CHST9: variants seen among roughly 807,000 people sequenced by gnomAD.
CHST9 encodes the protein carbohydrate sulfotransferase 9, also known as GalNAc-4-sulfotransferase 2.
Under a neutral mutation model 44.4 loss-of-function variants are expected in CHST9, and 41 were observed. That is an observed-to-expected ratio of 0.92 (90% CI 0.72 to 1.20). CHST9 has a LOEUF of 1.20. CHST9 is among the 50% of genes most tolerant of loss of function. The pLI is 0.00. For synonymous variants in CHST9, 171 were observed against 178.4 expected, an observed-to-expected ratio of 0.96 and a Z score of 0.33; for missense variants, 504 against 516.5, an observed-to-expected ratio of 0.98 and a Z score of 0.23.
chr18:27,181,175 C>T (rs2058908704), intron 1 of CHST9, among the ~76,000 whole-genome samples: 1 of 152,168 alleles, frequency 6.6e-6, no homozygotes, highest in Non-Finnish European at 1.5e-5. Context: ...TAACCTTCCA[C>T]ACAGAGGTTT....
intron 4 of CHST9, among the ~76,000 whole-genome samples, chr18:26,949,752 C>G (rs900986301): frequency 1.3e-5 from 2 of 152,162 alleles, no homozygotes; most frequent in African/African-American, 4.8e-5. Context: ...AGTTAAGGAT[C>G]TGTGGATGGG....
At chr18:27,019,524 A>G (rs1286266810) in intron 4 of CHST9, among the ~76,000 whole-genome samples, 2 of 152,032 alleles carry the variant, frequency 1.3e-5, no homozygotes, top group African/African-American at 4.8e-5. Context: ...GTTCCTGTAA[A>G]TGGAGGCCTA....
intron 4 of CHST9, among the ~76,000 whole-genome samples, chr18:27,022,679 C>T (rs947206072): frequency 6.6e-6 from 1 of 152,156 alleles, no homozygotes; most frequent in South Asian, 2.1e-4. Context: ...GCTGCCCTTC[C>T]CTTTCTCTAC....
At chr18:27,016,238 C>A (rs1429143115) in intron 4 of CHST9, among the ~76,000 whole-genome samples, 1 of 152,210 alleles carries the variant, frequency 6.6e-6, no homozygotes, top group Non-Finnish European at 1.5e-5. Flanking sequence ...TGCTATCACC[C>A]CTGAGCATAA....
At chr18:27,017,486 A>T (rs887086902) in intron 4 of CHST9, among the ~76,000 whole-genome samples, 3 of 152,240 alleles carry the variant, frequency 2.0e-5, no homozygotes, top group African/African-American at 2.4e-5. Flanking sequence ...GGCATGTGAA[A>T]GGGGCCTTTA....
chr18:27,095,045 T>C (rs2058104158), intron 2 of CHST9, among the ~76,000 whole-genome samples: 4 of 152,160 alleles, frequency 2.6e-5, no homozygotes, highest in Admixed American at 2.6e-4. Context: ...AAATATTCTT[T>C]TGGGGAAGAT....
chr18:27,157,599 C>A (rs2143915551), intron 1 of CHST9, among the ~76,000 whole-genome samples: 1 of 152,186 alleles, frequency 6.6e-6, no homozygotes, highest in East Asian at 1.9e-4. Flanking sequence ...GCAAAAATAT[C>A]TACTGACAAG....
chr18:27,063,911 T>A (rs1474481089), intron 2 of CHST9, among the ~76,000 whole-genome samples: 2 of 152,082 alleles, frequency 1.3e-5, no homozygotes, highest in African/African-American at 4.8e-5. Context: ...GGGCTGTAAA[T>A]TTTGTAGTAT....
At chr18:27,121,663 G>A (rs571305509) in intron 2 of CHST9, among the ~76,000 whole-genome samples, 1 of 152,248 alleles carries the variant, frequency 6.6e-6, no homozygotes, top group East Asian at 1.9e-4. Flanking sequence ...GATGTCAAAC[G>A]CAGGAATCTG....
At chr18:26,940,090 C>A (rs185790079) in intron 5 of CHST9, among the ~76,000 whole-genome samples, 138 of 152,260 alleles carry the variant, frequency 9.1e-4, no homozygotes, top group Admixed American at 2.0e-3. Flanking sequence ...ACAGCCTGAC[C>A]TCTCTCAATA....
At chr18:27,070,715 G>T (rs2057830198) in intron 2 of CHST9, among the ~76,000 whole-genome samples, 1 of 152,086 alleles carries the variant, frequency 6.6e-6, no homozygotes, top group Admixed American at 6.5e-5. Flanking sequence ...TATAGAACTT[G>T]CCATTTCCCA....
intron 1 of CHST9, among the ~76,000 whole-genome samples, chr18:27,176,478 A>T (rs2058869237): frequency 6.6e-6 from 1 of 152,000 alleles, no homozygotes. Flanking sequence ...GAATTGAAGG[A>T]GAAGTAATGT....
At chr18:27,001,656 T>C (rs757816910) in intron 4 of CHST9, among the ~76,000 whole-genome samples, 4 of 149,390 alleles carry the variant, frequency 2.7e-5, no homozygotes, top group Non-Finnish European at 5.9e-5. Context: ...CTGATTCTGT[T>C]TGCTGGGCAC....
At chr18:26,952,418 C>T (rs570742303) in intron 4 of CHST9, 3 of 432,506 alleles carry the variant, frequency 6.9e-6, no homozygotes, top group Admixed American at 2.7e-5. Flanking sequence ...ACTGCCTTTG[C>T]ACCATAGTTT....
In CHST9 at chr18:26,982,695, A is replaced by G. The variant is rs1471262810; in HGVS notation, c.203-38329T>C. Reference sequence around the variant, plus strand: ...TTCTTCAACATCTCATGCAACAGGTATCTCTGTGTTCCTAACCTCCTTGAA... The same window carrying G: ...TTCTTCAACATCTCATGCAACAGGTGTCTCTGTGTTCCTAACCTCCTTGAA... On this transcript the variant is annotated intron_variant, in intron 4 of 5. Coordinates refer to ENST00000618847, the MANE Select transcript of CHST9 (RefSeq NM_031422.6). 2.0e-5 allele frequency among the ~76,000 whole-genome samples: 3 copies of G among 152,138 alleles called. No individual in the cohort carries two copies. The East Asian group carries it at 5.8e-4, about 29-fold the overall frequency.
intron 5 of CHST9, among the ~76,000 whole-genome samples, chr18:26,943,080 C>T (rs2056107444): frequency 1.3e-5 from 2 of 151,966 alleles, no homozygotes; most frequent in South Asian, 4.2e-4. Flanking sequence ...TGCACTCCAG[C>T]CTGGTGACAG....
At chr18:27,104,531 T>A (rs1046129016) in intron 2 of CHST9, among the ~76,000 whole-genome samples, 2 of 152,200 alleles carry the variant, frequency 1.3e-5, no homozygotes, top group African/African-American at 4.8e-5. Context: ...AGTCAGCATA[T>A]AAGAGTGATT....
intron 4 of CHST9, among the ~76,000 whole-genome samples, chr18:26,985,901 T>C (rs1413844858): frequency 6.6e-6 from 1 of 152,208 alleles, no homozygotes; most frequent in Non-Finnish European, 1.5e-5. Flanking sequence ...CAGTGTTAAT[T>C]AGTTTTAGAC....
chr18:26,980,744 G>GA (rs1160941324), intron 4 of CHST9, among the ~76,000 whole-genome samples: 1 of 151,680 alleles, frequency 6.6e-6, no homozygotes, highest in Non-Finnish European at 1.5e-5. Context: ...TTTTCTTGGG[G>GA]AAAAAAAAGG....
Sources: gnomAD v4.1 joint callset for allele counts (sites outside exome capture counted in the v4.1 genomes callset) on GRCh38, gnomAD v4.1.1 for gene constraint, MANE v1.5 for transcripts, NCBI Gene and HGNC (gene_info 2026-07-23, HGNC 2026-07-21) for gene names.